FAS: variants seen among roughly 807,000 people sequenced by gnomAD.
FAS encodes the protein Fas cell surface death receptor, also known as tumor necrosis factor receptor superfamily member 6.
A neutral mutation model predicts 33.2 loss-of-function variants in FAS; 5 were observed. The ratio of observed to expected loss-of-function variants is 0.15; its 90% confidence interval spans 0.08 to 0.32. FAS has a LOEUF of 0.32. Among genes scored for constraint, FAS ranks in the 10% least tolerant of loss-of-function variants. FAS has a pLI of 1.00. For synonymous variants in FAS, 131 were observed against 130.7 expected, an observed-to-expected ratio of 1.00 and a Z score of -0.01; for missense variants, 339 against 386.0, an observed-to-expected ratio of 0.88 and a Z score of 1.02.
At chr10:88,965,580 A>G (rs977804465) in intron 1 of FAS, among the ~76,000 whole-genome samples, 2 of 152,164 alleles carry the variant, frequency 1.3e-5, no homozygotes, top group Non-Finnish European at 2.9e-5. Context: ...GTATACCAAC[A>G]TATCGACCAC....
At chr10:88,969,290 T>C (rs1322765611) in intron 1 of FAS, among the ~76,000 whole-genome samples, 1 of 152,188 alleles carries the variant, frequency 6.6e-6, no homozygotes, top group East Asian at 1.9e-4. Flanking sequence ...CTCTTTAGTG[T>C]CAATTTTCCA....
intron 1 of FAS, among the ~76,000 whole-genome samples, chr10:88,996,800 C>G (rs1847624081): frequency 6.6e-6 from 1 of 152,084 alleles, no homozygotes; most frequent in Non-Finnish European, 1.5e-5. Flanking sequence ...AAACCCTGGG[C>G]CTATACTGCC....
At chr10:88,991,250 C>G in intron 1 of FAS, 1 of 482,098 alleles carries the variant, frequency 2.1e-6, no homozygotes, top group Non-Finnish European at 3.8e-6. Flanking sequence ...AAGCGGAAGT[C>G]TGGGAAGCTT....
In FAS at chr10:89,007,802, A is replaced by C; in HGVS notation, c.299A>C (p.Lys100Thr). 1 of 1,614,042 alleles carries C rather than the reference A, an allele frequency of 6.2e-7. No individual in the cohort carries two copies. The highest frequency in any genetic ancestry group is 8.5e-7 in the Non-Finnish European group (1 of 1,179,918). ...ACAGACAAAGCCCATTTTTCTTCCAAATGCAGAAGATGTAGATTGTGTGAT... is the reference window on the plus strand; with the variant it reads ...ACAGACAAAGCCCATTTTTCTTCCACATGCAGAAGATGTAGATTGTGTGAT... The part of the protein sequence containing the change: ...EYTDKAHFSS[K>T]CRRCRLCDEG... The change falls in exon 3 of 9, where the codon AAA becomes ACA. Residue 100 changes from lysine to threonine, a missense_variant. Lys to Thr is a moderately conservative substitution (Grantham distance 78). Transcript: ENST00000652046.
At chr10:88,969,974 T>C (rs979766957) in intron 1 of FAS, among the ~76,000 whole-genome samples, 4 of 152,118 alleles carry the variant, frequency 2.6e-5, no homozygotes, top group Non-Finnish European at 4.4e-5. Context: ...TAACTCTTCA[T>C]AAAATAAACA....
At chr10:89,007,597 T>C (rs1848301991) in intron 2 of FAS, 103 bp from the exon 3 acceptor site, 3 of 1,080,002 alleles carry the variant, frequency 2.8e-6, no homozygotes, top group South Asian at 2.6e-5. Context: ...CCCCCTCCCC[T>C]TGTGTTTTAG....
chr10:89,013,303 TTTTA>T, intron 7 of FAS, 36 bp from the exon 8 acceptor site: 4 of 1,589,982 alleles, frequency 2.5e-6, no homozygotes, highest in African/African-American at 1.3e-5. Context: ...AAAGATATAT[TTTTA>T]TTTGTCTTTC....
chr10:88,973,172 T>C, intron 1 of FAS: 8 of 1,610,542 alleles, frequency 5.0e-6, no homozygotes, highest in Non-Finnish European at 6.8e-6. Context: ...TTCTTCTGTG[T>C]GACCTATAGA....
In FAS at chr10:89,007,744, G is replaced by C; in HGVS notation, c.241G>C (p.Asp81His). The stretch of plus-strand genomic sequence containing the variant: ...CTGCACAGTCAATGGGGATGAACCA[G>C]ACTGCGTGCCCTGCCAAGAAGGGAA... ...RDCTVNGDEP[D>H]CVPCQEGKEY... Residue 81 changes from aspartate (D) to histidine (H), a missense_variant, in exon 3 of 9, where the codon GAC (aspartate) becomes CAC (histidine). Coordinates refer to ENST00000652046, the MANE Select transcript of FAS (RefSeq NM_000043.6). 1 of 1,614,014 alleles carries C rather than the reference G, an allele frequency of 6.2e-7. No individual in the cohort carries two copies. The highest frequency in any genetic ancestry group is 1.7e-5 in the Admixed American group (1 of 59,982).
intron 1 of FAS, 48 bp from the exon 2 acceptor site, chr10:89,002,981 G>T: frequency 5.6e-6 from 9 of 1,609,944 alleles, no homozygotes; most frequent in Non-Finnish European, 4.2e-6. Flanking sequence ...TTACCACGTT[G>T]CTTACTTCAG....
chr10:89,012,062 A>C lies in FAS; in HGVS notation c.632A>C (p.Glu211Ala), dbSNP rs990942319. 1.2e-6 allele frequency: 2 copies of C among 1,613,564 alleles called. No homozygotes were observed. Among genetic ancestry groups the C allele is most frequent in the African/African-American group, 1.3e-5 (1 of 74,926 alleles). The change falls in exon 7 of 9, where the codon GAA becomes GCA. Residue 211 changes from glutamate (E) to alanine (A), a missense_variant. Coordinates refer to ENST00000652046, the MANE Select transcript of FAS (RefSeq NM_000043.6). ...KHRKENQGSHESPTLNPETVA... is the reference protein window; with the variant it reads ...KHRKENQGSHASPTLNPETVA... The stretch of plus-strand genomic sequence containing the variant: ...AGAAAGGAAAACCAAGGTTCTCATG[A>C]ATCTCCAACTTTAAATCCTGTAGGT...
intron 1 of FAS, among the ~76,000 whole-genome samples, chr10:88,971,014 T>G (rs1331857236): frequency 6.6e-6 from 1 of 152,118 alleles, no homozygotes; most frequent in Non-Finnish European, 1.5e-5. Context: ...AATAAAATAA[T>G]ACTAAGATGT....
intron 1 of FAS, chr10:88,992,641 C>T (rs1006611223): frequency 2.0e-5 from 3 of 152,026 alleles, no homozygotes; most frequent in East Asian, 1.9e-4. Context: ...GATATATGGC[C>T]TAGGAAATTA....
At chr10:88,978,539 C>T (rs1419487004) in intron 2 of FAS, among the ~76,000 whole-genome samples, 1 of 152,138 alleles carries the variant, frequency 6.6e-6, no homozygotes, top group Non-Finnish European at 1.5e-5. Flanking sequence ...CTGCTCTGAC[C>T]TGTTGGAAAG....
At chr10:89,004,865 A>ATTT (rs1200002617) in intron 2 of FAS, among the ~76,000 whole-genome samples, 30 of 152,170 alleles carry the variant, frequency 2.0e-4, no homozygotes, top group Non-Finnish European at 7.4e-5. Flanking sequence ...CTCTTGTTGA[A>ATTT]TTTTAGGCTT....
Position 89,014,218 on chromosome 10 carries a change from T to TA in FAS, c.777dup (p.Asp260ArgfsTer2). On this transcript the variant is annotated frameshift_variant, in exon 9 of 9. Transcript: ENST00000652046. LOFTEE classifies it low-confidence loss of function (END_TRUNC). Reference sequence around the variant, plus strand: ...AAGAATGGTGTCAATGAAGCCAAAATAGATGAGATCAAGAATGACAATGTC... The same window carrying TA: ...AAGAATGGTGTCAATGAAGCCAAAATAAGATGAGATCAAGAATGACAATGTC... 1 of 1,613,922 alleles carries TA rather than the reference T, an allele frequency of 6.2e-7. No individual in the cohort carries two copies. The highest frequency in any genetic ancestry group is 8.5e-7 in the Non-Finnish European group (1 of 1,179,922).
At chr10:89,013,945 T>A (rs1564698768) in intron 8 of FAS, among the ~76,000 whole-genome samples, 174 bp from the exon 9 acceptor site, 1 of 152,190 alleles carries the variant, frequency 6.6e-6, no homozygotes, top group Non-Finnish European at 1.5e-5. Flanking sequence ...TATGGCAGGA[T>A]TTGGAGTTAG....
chr10:88,983,102 T>C (rs553075984), upstream of FAS, among the ~76,000 whole-genome samples: 1 of 152,150 alleles, frequency 6.6e-6, no homozygotes, highest in Non-Finnish European at 1.5e-5. Context: ...CATATTGAGG[T>C]TTGAAATGCA....
chr10:88,987,390 TGGGTGGTCCA>T (rs2133367670), upstream of FAS, among the ~76,000 whole-genome samples: 1 of 152,338 alleles, frequency 6.6e-6, no homozygotes, highest in South Asian at 2.1e-4. Flanking sequence ...TGGGTAACTT[TGGGTGGTCCA>T]GGGTTCAATT....
Sources: gnomAD v4.1 joint callset for allele counts (sites outside exome capture counted in the v4.1 genomes callset) on GRCh38, gnomAD v4.1.1 for gene constraint, MANE v1.5 for transcripts, NCBI Gene and HGNC (gene_info 2026-07-23, HGNC 2026-07-21) for gene names.